The following DEFB135 variants were observed in gnomAD, a reference collection of about 807,000 sequenced individuals.
DEFB135 encodes beta-defensin 135.
A neutral mutation model predicts 8.9 loss-of-function variants in DEFB135; 14 were observed. That is an observed-to-expected ratio of 1.58 (90% CI 1.04 to 2.47). DEFB135 has a LOEUF of 2.47. DEFB135 is among the 30% of genes most tolerant of loss of function. DEFB135 has a pLI of 0.00. For synonymous variants in DEFB135, 51 were observed against 34.5 expected (o/e 1.48, Z -1.67); for missense variants, 135 against 94.2 (o/e 1.43, Z -1.79).
At chr8:11,983,148 C>G (rs1017869497) in intron 1 of DEFB135, among the ~76,000 whole-genome samples, 2 of 152,192 alleles carry the variant, frequency 1.3e-5, no homozygotes, top group Non-Finnish European at 2.9e-5. Context: ...AATCTAAGCA[C>G]TTTGGGAGGC....
At chr8:11,983,249 C>T (rs1328764103) in intron 1 of DEFB135, among the ~76,000 whole-genome samples, 4 of 151,966 alleles carry the variant, frequency 2.6e-5, no homozygotes, top group Admixed American at 6.6e-5. Context: ...CAAAATTAGC[C>T]GGGCATGGTG....
Position 11,984,434 on chromosome 8 carries a change from C to T in DEFB135, c.78C>T (p.Pro26=). Residue 26 remains proline, a synonymous_variant, in exon 2 of 2, where the codon CCC becomes CCT. Coordinates refer to ENST00000382208, the MANE Select transcript of DEFB135 (RefSeq NM_001033017.3). ...TTCTCTTGGCAGGTAGAAGTGGACC[C>T]AATGTCTACATACAAAAAATCTTTG... The part of the protein sequence containing the change: ...LFYVPPGRSG[P]NVYIQKIFAS... 1.3e-6 allele frequency: 2 copies of T among 1,554,612 alleles called. No individual in the cohort carries two copies. The highest frequency in any genetic ancestry group is 2.3e-5 in the East Asian group (1 of 43,578).
chr8:11,984,392 T>G (rs1799810989), intron 1 of DEFB135, 29 bp from the exon 2 acceptor site: 1 of 1,457,996 alleles, frequency 6.9e-7, no homozygotes, highest in African/African-American at 1.4e-5. Flanking sequence ...GGACACTAAC[T>G]GTGCATTAAC....
rs563634083 is a variant in DEFB135 at position 11,983,033 on chromosome 8, C to T, written c.64+649C>T. On this transcript the variant is annotated intron_variant, in intron 1 of 1. Transcript: ENST00000382208. ...GTTTTCTGGGGTCAGCAGAGAGCCCCTACCCTTTGCCTCAAACCTTCATAT... is the reference window on the plus strand; with the variant it reads ...GTTTTCTGGGGTCAGCAGAGAGCCCTTACCCTTTGCCTCAAACCTTCATAT... Among the ~76,000 whole-genome samples the T allele has an allele frequency of 2.6e-5, 4 of 152,296 alleles. No individual in the cohort carries two copies. In the South Asian group the frequency reaches 8.3e-4, roughly 32 times the overall value.
chr8:11,984,202 C>G (rs1799804264), intron 1 of DEFB135, among the ~76,000 whole-genome samples: 1 of 152,100 alleles, frequency 6.6e-6, no homozygotes. Context: ...ATTCATGTAA[C>G]TAATTGTGGA....
chr8:11,982,855 T>G (rs1157350223), intron 1 of DEFB135, among the ~76,000 whole-genome samples: 1 of 152,174 alleles, frequency 6.6e-6, no homozygotes, highest in Non-Finnish European at 1.5e-5. Context: ...TTAAGATGTA[T>G]TACACTAACT....
At chr8:11,984,182 T>C (rs1799803783) in intron 1 of DEFB135, among the ~76,000 whole-genome samples, 1 of 152,170 alleles carries the variant, frequency 6.6e-6, no homozygotes, top group Non-Finnish European at 1.5e-5. Flanking sequence ...CTCCACACAG[T>C]TGATCAGTAA....
chr8:11,983,334 G>A (rs1470762507), intron 1 of DEFB135, among the ~76,000 whole-genome samples: 1 of 152,188 alleles, frequency 6.6e-6, no homozygotes, highest in African/African-American at 2.4e-5. Context: ...AGATTGCAGT[G>A]AGCTGAGATG....
chr8:11,984,243 G>T (rs1484635885), intron 1 of DEFB135, among the ~76,000 whole-genome samples, 178 bp from the exon 2 acceptor site: 2 of 152,164 alleles, frequency 1.3e-5, no homozygotes, highest in South Asian at 4.1e-4. Flanking sequence ...AGGGCCCCTG[G>T]AAAACAAGGT....
intron 1 of DEFB135, among the ~76,000 whole-genome samples, chr8:11,983,773 G>A (rs868761276): frequency 2.0e-5 from 3 of 152,222 alleles, no homozygotes; most frequent in Non-Finnish European, 2.9e-5. Context: ...GGTTTCCAGA[G>A]GCTCCCAGTT....
chr8:11,982,670 G>C (rs904890068), intron 1 of DEFB135, among the ~76,000 whole-genome samples: 1 of 152,300 alleles, frequency 6.6e-6, no homozygotes, highest in South Asian at 2.1e-4. Context: ...GCAGAAGTAG[G>C]GCAGAGCAAA....
chr8:11,984,343 T>A (rs1799807961), intron 1 of DEFB135, 78 bp from the exon 2 acceptor site: 12 of 1,164,340 alleles, frequency 1.0e-5, no homozygotes, highest in Non-Finnish European at 1.4e-5. Context: ...AAAACTATGG[T>A]CTGAGGTCTA....
chr8:11,984,489 C>A lies in DEFB135; in HGVS notation c.133C>A (p.Arg45=), dbSNP rs371844029. 5.7e-6 allele frequency: 9 copies of A among 1,581,376 alleles called. No homozygotes were observed. The highest frequency in any genetic ancestry group is 7.8e-6 in the Non-Finnish European group (9 of 1,155,956). ...ASCWRLQGTC[R]PKCLKNEQYR... ...ATGTTGGCGACTGCAAGGTACTTGC[C>A]GGCCAAAATGTCTAAAAAACGAACA... Residue 45 remains arginine (R), a synonymous_variant, in exon 2 of 2, where the codon CGG becomes AGG. Coordinates refer to ENST00000382208, the MANE Select transcript of DEFB135 (RefSeq NM_001033017.3).
rs375015675 is a variant in DEFB135 at position 11,983,262 on chromosome 8, G to A, written c.64+878G>A. ...TACAAAATTAGCCGGGCATGGTGGC[G>A]CATGCCTGTCCCAGCTACTCGGGAA... On this transcript the variant is annotated intron_variant, in intron 1 of 1. Coordinates refer to ENST00000382208, the MANE Select transcript of DEFB135 (RefSeq NM_001033017.3). Among the ~76,000 whole-genome samples the A allele has an allele frequency of 1.9e-3, 288 of 152,160 alleles. 4 individuals are homozygous for A. Among genetic ancestry groups the A allele is most frequent in the African/African-American group, 5.8e-3 (241 of 41,504 alleles).
intron 1 of DEFB135, among the ~76,000 whole-genome samples, chr8:11,983,416 T>G (rs532854765): frequency 6.6e-6 from 1 of 151,924 alleles, no homozygotes; most frequent in African/African-American, 2.4e-5. Context: ...AAAAAATAAA[T>G]AAAACGAAGA....
At chr8:11,983,261 C>A (rs1053831726) in intron 1 of DEFB135, among the ~76,000 whole-genome samples, 2 of 151,996 alleles carry the variant, frequency 1.3e-5, no homozygotes, top group Non-Finnish European at 2.9e-5. Context: ...GGCATGGTGG[C>A]GCATGCCTGT....
chr8:11,984,370 C>A lies in DEFB135; in HGVS notation c.65-51C>A, dbSNP rs757619630. 27 of 1,332,960 alleles carry A rather than the reference C, an allele frequency of 2.0e-5. No homozygotes were observed. The African/African-American group carries it at 3.3e-4, about 16-fold the overall frequency. 82.6% of individuals were successfully genotyped at this position (1,332,960 alleles called of 1,614,324 possible). ...TGAGGTCTAATTTTATCCATGACAACATGACACTTCAGGACACTAACTGTG... is the reference window on the plus strand; with the variant it reads ...TGAGGTCTAATTTTATCCATGACAAAATGACACTTCAGGACACTAACTGTG... On this transcript the variant is annotated intron_variant, in intron 1 of 1. Coordinates refer to ENST00000382208, the MANE Select transcript of DEFB135 (RefSeq NM_001033017.3).
Position 11,984,504 on chromosome 8 carries a change from A to C in DEFB135, c.148A>C (p.Lys50Gln). Residue 50 changes from lysine (K) to glutamine (Q), a missense_variant, in exon 2 of 2, where the codon AAA becomes CAA. Transcript: ENST00000382208. The stretch of plus-strand genomic sequence containing the variant: ...AGGTACTTGCCGGCCAAAATGTCTA[A>C]AAAACGAACAATATCGTATTTTGTG... ...LQGTCRPKCL[K>Q]NEQYRILCDT... 6.3e-7 allele frequency: 1 copy of C among 1,589,574 alleles called. No individual in the cohort carries two copies. The highest frequency in any genetic ancestry group is 1.1e-5 in the South Asian group (1 of 89,220).
chr8:11,983,066 G>A (rs4455884), intron 1 of DEFB135, among the ~76,000 whole-genome samples: 4,733 of 152,194 alleles, frequency 0.031, 243 homozygotes, highest in African/African-American at 0.11. Flanking sequence ...TATATAAAGC[G>A]TATCACTCAA....
Sources: gnomAD v4.1 joint callset for allele counts (sites outside exome capture counted in the v4.1 genomes callset) on GRCh38, gnomAD v4.1.1 for gene constraint, MANE v1.5 for transcripts, NCBI Gene and HGNC (gene_info 2026-07-23, HGNC 2026-07-21) for gene names.